The following TRMT112 variants were observed in gnomAD, a reference collection of about 807,000 sequenced individuals.
TRMT112 encodes the protein multifunctional methyltransferase subunit TRM112-like protein.
TRMT112 carries 9 observed loss-of-function variants against 13.8 expected under a neutral mutation model. The ratio of observed to expected loss-of-function variants is 0.65; its 90% CI spans 0.39 to 1.14. The LOEUF (loss-of-function observed/expected upper bound fraction) is 1.14, where lower values mean the gene tolerates loss of function less well. Ranked by LOEUF, TRMT112 falls within the 50% of genes most tolerant of loss-of-function variation. TRMT112 has a pLI of 0.01. For missense variants in TRMT112, 196 were observed against 165.5 expected (o/e 1.18, Z -1.01); for synonymous variants, 64 against 67.0 (o/e 0.96, Z 0.22).
upstream of TRMT112, chr11:64,317,896 T>G: frequency 1.5e-6 from 2 of 1,321,556 alleles, no homozygotes; most frequent in Non-Finnish European, 9.7e-7. Context: ...GTATCCCACT[T>G]TCGGTTAAGG....
In TRMT112 at chr11:64,316,714, G is replaced by GA. The variant is rs567342412; in HGVS notation, c.*146dup. ...GCTTTTGGTTTTAAACCTTTAATGAGAAAAAAATATATAATACCGAGCTCA... is the reference window on the plus strand; with the variant it reads ...GCTTTTGGTTTTAAACCTTTAATGAGAAAAAAAATATATAATACCGAGCTCA... On this transcript the variant is annotated 3_prime_UTR_variant, in exon 4 of 4. Coordinates refer to ENST00000544844, the MANE Select transcript of TRMT112 (RefSeq NM_016404.3). 8 of 631,766 alleles carry GA rather than the reference G, an allele frequency of 1.3e-5. No individual in the cohort carries two copies. The highest frequency in any genetic ancestry group is 7.4e-5 in the African/African-American group (4 of 54,282). 39.1% of individuals were successfully genotyped at this position (631,766 alleles called of 1,614,324 possible). A position where few individuals can be genotyped will look rare whatever the true frequency, so the allele number is the denominator to read the frequency against.
Position 64,317,379 on chromosome 11 carries a change from G to T in TRMT112, c.79-14C>A, listed in dbSNP as rs750819853. ...GACCTCGGTGGCCTGCAGGGCGGAG[G>T]AGTTTAGGCAAGCACTGGACCCCGG... On this transcript the variant is annotated splice_polypyrimidine_tract_variant and intron_variant, in intron 1 of 3. Transcript: ENST00000544844. The T allele has an allele frequency of 2.5e-6, 4 of 1,614,108 alleles. No homozygotes were observed. The highest frequency in any genetic ancestry group is 4.5e-5 in the East Asian group (2 of 44,878).
rs2035294452 is a variant in TRMT112, at chr11:64,316,971, G to A, written c.271-3C>T. 6.2e-7 allele frequency: 1 copy of A among 1,613,158 alleles called. No homozygotes were observed. Among genetic ancestry groups the A allele is most frequent in the South Asian group, 1.1e-5 (1 of 91,064 alleles). On this transcript the variant is annotated splice_polypyrimidine_tract_variant and splice_region_variant and intron_variant, in intron 3 of 3. Transcript: ENST00000544844. ...AGGGTGCCCTCTATCACTTCCACCT[G>A]CGGGCAGGGAGGGACAGAGCTGAGC... is the stretch of plus-strand genomic sequence containing the variant.
chr11:64,318,334 C>T (rs1212688420), upstream of TRMT112: 3 of 1,612,338 alleles, frequency 1.9e-6, no homozygotes, highest in East Asian at 2.2e-5. Context: ...GAGTGGGCGT[C>T]TGGCGGGGTC....
upstream of TRMT112, chr11:64,317,729 A>G: frequency 1.3e-6 from 1 of 744,838 alleles, no homozygotes; most frequent in Non-Finnish European, 2.1e-6. Flanking sequence ...GAAGCGTCTC[A>G]GCAGGAGGTT....
intron 3 of TRMT112, 37 bp from the exon 4 acceptor site, chr11:64,317,005 C>A (rs367871887): frequency 2.9e-5 from 46 of 1,610,222 alleles, no homozygotes; most frequent in Middle Eastern, 1.6e-4. Flanking sequence ...GCACTGGCAG[C>A]CTCAGTGCGG....
Position 64,316,817 on chromosome 11 carries a change from C to A in TRMT112, c.*44G>T, listed in dbSNP as rs1304754743. ...AATTCGGAAACAGGGTATAGATCAA[C>A]AAAAATACACAGTCATAACAAGAAA... On this transcript the variant is annotated 3_prime_UTR_variant, in exon 4 of 4. Coordinates refer to ENST00000544844, the MANE Select transcript of TRMT112 (RefSeq NM_016404.3). The A allele has an allele frequency of 2.2e-6, 3 of 1,394,390 alleles. No homozygotes were observed. In the African/African-American group the frequency reaches 4.3e-5, roughly 20 times the overall value. The allele number at this position is 1,394,390 out of a possible 1,614,324, so 86.4% of individuals were successfully genotyped here.
Position 64,317,450 on chromosome 11 carries a change from T to C in TRMT112, c.77A>G (p.Gln26Arg). 4 of 1,611,354 alleles carry C rather than the reference T, an allele frequency of 2.5e-6. No homozygotes were observed. The highest frequency in any genetic ancestry group is 3.4e-6 in the Non-Finnish European group (4 of 1,178,724). ...GGGAAGACTGCCGCCGGCGGGTACC[T>C]GGAGGCGCAGGGGGAAGCCACGGGA... ...VGSRGFPLRLQATEVRICPVE... is the reference protein window; with the variant it reads ...VGSRGFPLRLRATEVRICPVE... Residue 26 changes from glutamine to arginine, a missense_variant and splice_region_variant, in exon 1 of 4, where the codon CAG (glutamine) becomes CGG (arginine). Gln to Arg is a conservative substitution (Grantham distance 43, BLOSUM62 1). Transcript: ENST00000544844.
At position 64,316,472 on chromosome 11, in the gene TRMT112, C is replaced by A. The variant is rs1170520564; in HGVS notation, c.*389G>T. On this transcript the variant is annotated 3_prime_UTR_variant, in exon 4 of 4. Transcript: ENST00000544844. ...GCAATAACTCCAAGCAGACTCCAGC[C>A]CCTGGACCCCTGGGGTGGCCAGGGC... is the stretch of plus-strand genomic sequence containing the variant. The A allele has an allele frequency of 4.6e-6, 1 of 217,042 alleles. No individual in the cohort carries two copies. Among genetic ancestry groups the A allele is most frequent in the Non-Finnish European group, 9.4e-6 (1 of 106,038 alleles). 13.4% of individuals were successfully genotyped at this position (217,042 alleles called of 1,614,324 possible). A position where few individuals can be genotyped will look rare whatever the true frequency, so the allele number is the denominator to read the frequency against.
At chr11:64,317,570 G>C, upstream of TRMT112, 1 of 1,488,988 alleles carries the variant, frequency 6.7e-7, no homozygotes, top group African/African-American at 1.4e-5. Flanking sequence ...GAAAAAGGTC[G>C]TCCTCCGCTG....
At position 64,316,729 on chromosome 11, in the gene TRMT112, T is replaced by C. The variant is rs1455196292; in HGVS notation, c.*132A>G. ...CCTTTAATGAGAAAAAAATATATAA[T>C]ACCGAGCTCAAAAACACTGTGTTTG... On this transcript the variant is annotated 3_prime_UTR_variant, in exon 4 of 4. Coordinates refer to ENST00000544844, the MANE Select transcript of TRMT112 (RefSeq NM_016404.3). The C allele has an allele frequency of 1.5e-6, 1 of 661,146 alleles. No homozygotes were observed. Among genetic ancestry groups the C allele is most frequent in the African/African-American group, 1.8e-5 (1 of 54,908 alleles). The allele number at this position is 661,146 out of a possible 1,614,324, so 41.0% of individuals were successfully genotyped here.
chr11:64,318,417 C>T (rs1212101777), upstream of TRMT112: 2 of 1,579,520 alleles, frequency 1.3e-6, no homozygotes, highest in South Asian at 1.1e-5. Context: ...GCCTGACATC[C>T]CCCACTACCC....
At chr11:64,317,596 T>G, upstream of TRMT112, 2 of 1,437,270 alleles carry the variant, frequency 1.4e-6, no homozygotes, top group Non-Finnish European at 1.9e-6. Flanking sequence ...CTTCCGGGGA[T>G]GCTCCTCTCG....
chr11:64,318,560 G>A (rs992216089), upstream of TRMT112, among the ~76,000 whole-genome samples: 3 of 152,096 alleles, frequency 2.0e-5, no homozygotes, highest in African/African-American at 7.2e-5. Flanking sequence ...CCAATCGTGG[G>A]GGCCTCACCT....
chr11:64,318,399 C>G, upstream of TRMT112: 1 of 1,596,912 alleles, frequency 6.3e-7, no homozygotes, highest in East Asian at 2.3e-5. Flanking sequence ...GACCGCTGGC[C>G]CGGCCGGGCC....
chr11:64,316,989 A>T, intron 3 of TRMT112, 21 bp from the exon 4 acceptor site: 1 of 1,612,756 alleles, frequency 6.2e-7, no homozygotes, highest in Non-Finnish European at 8.5e-7. Context: ...GGAGGGACAG[A>T]GCTGAGCACT....
chr11:64,317,069 G>C lies in TRMT112; in HGVS notation c.259C>G (p.Leu87Val), dbSNP rs1394563019. ...NEEFLRTMHH[L>V]LLEVEVIEGT... Reference sequence around the variant, plus strand: ...GGGCCGCTTCTCACCTCCAGCAGCAGGTGGTGCATGGTCCTCAGAAACTCC... The same window carrying C: ...GGGCCGCTTCTCACCTCCAGCAGCACGTGGTGCATGGTCCTCAGAAACTCC... The change falls in exon 3 of 4, where the codon CTG becomes GTG. Residue 87 changes from leucine to valine, a missense_variant. Physicochemically the swap from Leu to Val is conservative, Grantham distance 32. Transcript: ENST00000544844. 1.2e-6 allele frequency: 2 copies of C among 1,614,216 alleles called. No homozygotes were observed. Among genetic ancestry groups the C allele is most frequent in the Admixed American group, 1.7e-5 (1 of 60,026 alleles).
chr11:64,317,573 C>T, upstream of TRMT112: 1 of 1,483,156 alleles, frequency 6.7e-7, no homozygotes, highest in African/African-American at 1.4e-5. Context: ...AAAGGTCGTC[C>T]TCCGCTGCCT....
Position 64,317,536 on chromosome 11 carries a change from C to A in TRMT112, c.-10G>T. On this transcript the variant is annotated 5_prime_UTR_variant, in exon 1 of 4. Coordinates refer to ENST00000544844, the MANE Select transcript of TRMT112 (RefSeq NM_016404.3). ...GGGTAAGCAGTTTCATGTCGCCGCA[C>A]AAACTCTCGCCAGGCCGGAACCGGA... 2 of 1,550,404 alleles carry A rather than the reference C, an allele frequency of 1.3e-6. No homozygotes were observed. The highest frequency in any genetic ancestry group is 2.3e-5 in the East Asian group (1 of 42,730).
Sources: gnomAD v4.1 joint callset for allele counts (sites outside exome capture counted in the v4.1 genomes callset) on GRCh38, gnomAD v4.1.1 for gene constraint, MANE v1.5 for transcripts, NCBI Gene and HGNC (gene_info 2026-07-23, HGNC 2026-07-21) for gene names.